The following TOGARAM2 variants were observed in gnomAD, a reference collection of about 807,000 sequenced individuals.
TOGARAM2 encodes TOG array regulator of axonemal microtubules 2, also known as TOG array regulator of axonemal microtubules protein 2.
Under a neutral mutation model 93.3 loss-of-function variants are expected in TOGARAM2, and 85 were observed. The ratio of observed to expected loss-of-function variants is 0.91; its 90% CI spans 0.76 to 1.09. The LOEUF is 1.09. Among genes scored for constraint, TOGARAM2 ranks in the 50% least tolerant of loss-of-function variants. The pLI is 0.00. For synonymous variants in TOGARAM2, 593 were observed against 552.8 expected (o/e 1.07, Z -1.02); for missense variants, 1,277 against 1,334.5 (o/e 0.96, Z 0.67).
chr2:29,051,996 A>T lies in TOGARAM2; in HGVS notation c.2963A>T (p.Asp988Val). 6.2e-7 allele frequency: 1 copy of T among 1,613,238 alleles called. No homozygotes were observed. Among genetic ancestry groups the T allele is most frequent in the Non-Finnish European group, 8.5e-7 (1 of 1,179,760 alleles). ...CTCAAGACGCTCCAGGAACTCTTAG[A>T]CTCAGAGTCCTTGGGAGGCAGCCGC... ...HVLKTLQELL[D>V]SESLGGSRKA... Residue 988 changes from aspartate (D) to valine (V), a missense_variant, in exon 20 of 20, where the codon GAC becomes GTC. Transcript: ENST00000379558.
intron 3 of TOGARAM2, 93 bp from the exon 4 acceptor site, chr2:28,999,088 C>A: frequency 7.4e-7 from 1 of 1,353,414 alleles, no homozygotes; most frequent in Non-Finnish European, 1.0e-6. Context: ...AAGTGGCTGC[C>A]TGTTAGAAGG....
At chr2:29,035,257 G>A (rs1666017097) in intron 16 of TOGARAM2, among the ~76,000 whole-genome samples, 1 of 152,124 alleles carries the variant, frequency 6.6e-6, no homozygotes, top group Non-Finnish European at 1.5e-5. Context: ...AGAGAAAAAG[G>A]TAGGAAGAGA....
chr2:29,045,689 C>G (rs1008352539), intron 19 of TOGARAM2: 12 of 428,248 alleles, frequency 2.8e-5, no homozygotes, highest in Non-Finnish European at 5.1e-5. Context: ...TAGAAATGCT[C>G]CAAAACCTGA....
At chr2:29,004,278 C>A (rs896996003) in intron 6 of TOGARAM2, among the ~76,000 whole-genome samples, 4 of 152,166 alleles carry the variant, frequency 2.6e-5, no homozygotes, top group Admixed American at 6.5e-5. Flanking sequence ...ACACCGTGCC[C>A]GGCTATGAAT....
Position 29,024,164 on chromosome 2 carries a change from C to T in TOGARAM2, c.1643C>T (p.Ser548Phe). The change falls in exon 13 of 20, where the codon TCT becomes TTT. Residue 548 changes from serine to phenylalanine, a missense_variant. By Grantham distance (155) the Ser-to-Phe change is radical (BLOSUM62 -2). Coordinates refer to ENST00000379558, the MANE Select transcript of TOGARAM2 (RefSeq NM_199280.4). ...GEVTNLRSKVSHLAISTLGDL... is the reference protein window; with the variant it reads ...GEVTNLRSKVFHLAISTLGDL... The stretch of plus-strand genomic sequence containing the variant: ...GTCACCAACCTGCGGTCCAAGGTGT[C>T]TCACCTGGCCATCAGCACCTTGGGA... The T allele has an allele frequency of 6.3e-7, 1 of 1,588,682 alleles. No homozygotes were observed. The highest frequency in any genetic ancestry group is 8.6e-7 in the Non-Finnish European group (1 of 1,167,228).
chr2:29,015,893 C>T (rs13000335), intron 8 of TOGARAM2, among the ~76,000 whole-genome samples: 33,736 of 152,016 alleles, frequency 0.22, 3,854 homozygotes, highest in Middle Eastern at 0.29. Flanking sequence ...TCTGGCCTCT[C>T]GTCTATTTAT....
chr2:29,021,640 CT>C (rs1381517660), intron 10 of TOGARAM2, among the ~76,000 whole-genome samples: 16 of 152,348 alleles, frequency 1.1e-4, no homozygotes, highest in African/African-American at 3.8e-4. Context: ...CATTGTCTTC[CT>C]CTAGCCATCT....
At chr2:29,007,592 G>T (rs950727141) in intron 6 of TOGARAM2, among the ~76,000 whole-genome samples, 1 of 151,840 alleles carries the variant, frequency 6.6e-6, no homozygotes, top group Non-Finnish European at 1.5e-5. Flanking sequence ...AGCCCTGTGC[G>T]CTCCATCCCC....
At position 29,022,657 on chromosome 2, in the gene TOGARAM2, A is replaced by G. The variant is rs144446920; in HGVS notation, c.1511+349A>G. ...CCTTTATTTCTCTGAATGAAATTGA[A>G]TCTGCTCCGAGCGCTCCTCCCACTG... On this transcript the variant is annotated intron_variant, in intron 11 of 19. Transcript: ENST00000379558. 1.6e-4 allele frequency among the ~76,000 whole-genome samples: 24 copies of G among 152,286 alleles called. No homozygotes were observed. In the East Asian group the frequency reaches 4.4e-3, roughly 28 times the overall value.
intron 16 of TOGARAM2, among the ~76,000 whole-genome samples, chr2:29,035,250 G>C (rs975072852): frequency 6.6e-6 from 1 of 152,028 alleles, no homozygotes; most frequent in African/African-American, 2.4e-5. Flanking sequence ...TCTGAAAAGA[G>C]AAAAAGGTAG....
Position 28,998,020 on chromosome 2 carries a change from G to A in TOGARAM2, c.29-123G>A, listed in dbSNP as rs143100162. On this transcript the variant is annotated intron_variant, in intron 2 of 19. Transcript: ENST00000379558. ...GGGGGTGGGGCCACCACATGCCTTG[G>A]TTTTTTGGGCAGGGACCCTGCGGGG... 28 of 609,974 alleles carry A rather than the reference G, an allele frequency of 4.6e-5. No individual in the cohort carries two copies. The East Asian group carries it at 7.3e-4, about 16-fold the overall frequency. The allele number at this position is 609,974 out of a possible 1,614,324, so 37.8% of individuals were successfully genotyped here.
In TOGARAM2 at chr2:28,998,340, G is replaced by C. The variant is rs150691943; in HGVS notation, c.139+87G>C. 2 of 851,968 alleles carry C rather than the reference G, an allele frequency of 2.3e-6. 1 individual carries two copies. The highest frequency in any genetic ancestry group is 3.6e-6 in the Non-Finnish European group (2 of 551,512). 52.8% of individuals were successfully genotyped at this position (851,968 alleles called of 1,614,324 possible). ...TGTGGTAGATGCCGGCTGTGTTCTC[G>C]AGCTACCAGCAGGTGTTATTTTTCC... On this transcript the variant is annotated intron_variant, in intron 3 of 19. Coordinates refer to ENST00000379558, the MANE Select transcript of TOGARAM2 (RefSeq NM_199280.4).
intron 6 of TOGARAM2, among the ~76,000 whole-genome samples, chr2:29,010,110 G>A (rs1232612222): frequency 1.3e-5 from 2 of 152,040 alleles, no homozygotes; most frequent in East Asian, 1.9e-4. Context: ...GGGCAAAGCC[G>A]AGGCATAAGC....
intron 4 of TOGARAM2, among the ~76,000 whole-genome samples, chr2:29,001,015 G>A (rs892030498): frequency 6.6e-6 from 1 of 152,162 alleles, no homozygotes; most frequent in African/African-American, 2.4e-5. Flanking sequence ...ATGTTCTGAT[G>A]GGCAGTGACC....
At chr2:28,961,619 G>A (rs1191410666) in intron 1 of TOGARAM2, among the ~76,000 whole-genome samples, 1 of 152,182 alleles carries the variant, frequency 6.6e-6, no homozygotes, top group Non-Finnish European at 1.5e-5. Flanking sequence ...GGGATTACAG[G>A]CATGAGCCAC....
chr2:29,038,600 C>T (rs757100058), intron 18 of TOGARAM2, among the ~76,000 whole-genome samples: 3 of 152,046 alleles, frequency 2.0e-5, no homozygotes, highest in Non-Finnish European at 2.9e-5. Context: ...TGTGCCACCA[C>T]GCCTGGCTAA....
chr2:28,967,656 T>G (rs972830806), intron 1 of TOGARAM2, among the ~76,000 whole-genome samples: 8 of 152,038 alleles, frequency 5.3e-5, no homozygotes, highest in Non-Finnish European at 8.8e-5. Flanking sequence ...AAGCACTGAT[T>G]AGAGGGGTGA....
intron 6 of TOGARAM2, among the ~76,000 whole-genome samples, chr2:29,006,640 A>G (rs925100888): frequency 1.2e-4 from 18 of 151,900 alleles, no homozygotes; most frequent in Non-Finnish European, 2.1e-4. Context: ...CATTCCCTCC[A>G]TCTCCCTGGT....
At chr2:29,004,959 T>TGTGC (rs59622604) in intron 6 of TOGARAM2, among the ~76,000 whole-genome samples, 3,582 of 137,714 alleles carry the variant, frequency 0.026, 542 homozygotes, top group African/African-American at 0.093. Context: ...TGTGCATGTG[T>TGTGC]ATGTGTGTGA....
Sources: gnomAD v4.1 joint callset for allele counts (sites outside exome capture counted in the v4.1 genomes callset) on GRCh38, gnomAD v4.1.1 for gene constraint, MANE v1.5 for transcripts, NCBI Gene and HGNC (gene_info 2026-07-23, HGNC 2026-07-21) for gene names.